The following SIPA1L2 variants were observed in gnomAD, a reference collection of about 807,000 sequenced individuals.
The protein encoded by SIPA1L2 is signal-induced proliferation-associated 1-like protein 2.
In SIPA1L2, 56 loss-of-function variants were observed where a neutral mutation model predicts 163.9. That is an observed-to-expected ratio of 0.34 (90% confidence interval 0.28 to 0.43). SIPA1L2 has a LOEUF of 0.43. SIPA1L2 is among the 20% of genes least tolerant of loss of function. SIPA1L2 has a pLI of 1.00. For synonymous variants in SIPA1L2, 877 were observed against 865.7 expected (o/e 1.01, Z -0.23); for missense variants, 1,974 against 2,193.5 (o/e 0.90, Z 2.00).
chr1:232,629,394 G>A (rs979441954), intron 1 of SIPA1L2, among the ~76,000 whole-genome samples: 7 of 152,332 alleles, frequency 4.6e-5, no homozygotes, highest in Admixed American at 4.6e-4. Flanking sequence ...TACAAAGAGG[G>A]ATCCGTCCCG....
chr1:232,422,559 C>G (rs1661634544), intron 18 of SIPA1L2, among the ~76,000 whole-genome samples: 2 of 152,182 alleles, frequency 1.3e-5, no homozygotes, highest in Non-Finnish European at 2.9e-5. Context: ...TAAACAAAAT[C>G]TGATTGAGTC....
chr1:232,577,871 T>G lies in SIPA1L2; in HGVS notation c.-318-3649A>C, dbSNP rs1480700048. On this transcript the variant is annotated intron_variant, in intron 1 of 22. Transcript: ENST00000674635. ...ATGATATGAACATTGTTGCAAAGGA[T>G]TTAGGAAATTACATAAACTTGGCAG... 2.0e-5 allele frequency among the ~76,000 whole-genome samples: 3 copies of G among 152,130 alleles called. No individual in the cohort carries two copies. In the East Asian group the frequency reaches 5.8e-4, roughly 29 times the overall value.
intron 2 of SIPA1L2, among the ~76,000 whole-genome samples, chr1:232,570,832 A>G (rs1659684352): frequency 1.3e-5 from 2 of 152,096 alleles, no homozygotes; most frequent in Admixed American, 1.3e-4. Context: ...CTCATACCAC[A>G]TGCAAAAATA....
rs557410515 is a variant in SIPA1L2 at position 232,417,273 on chromosome 1, C to T, written c.4631-1648G>A. ...GCTCTTACCAGATCTCTAACAGTTA[C>T]AGCTACGCCAATTTTCCATGCTACC... On this transcript the variant is annotated intron_variant, in intron 18 of 22. Transcript: ENST00000674635. Among the ~76,000 whole-genome samples, 3 of 152,264 alleles carry T rather than the reference C, an allele frequency of 2.0e-5. No individual in the cohort carries two copies. In the South Asian group the frequency reaches 6.2e-4, roughly 32 times the overall value.
chr1:232,564,325 T>A (rs1659274411), intron 2 of SIPA1L2, among the ~76,000 whole-genome samples: 1 of 145,994 alleles, frequency 6.8e-6, no homozygotes, highest in Non-Finnish European at 1.5e-5. Flanking sequence ...AGTGCAATGG[T>A]GCGATCTTGG....
chr1:232,466,494 A>G (rs969803313), intron 8 of SIPA1L2, among the ~76,000 whole-genome samples: 4 of 152,186 alleles, frequency 2.6e-5, no homozygotes, highest in Non-Finnish European at 5.9e-5. Flanking sequence ...CTAATGAATT[A>G]ACAAAGGAAG....
At position 232,432,337 on chromosome 1, in the gene SIPA1L2, C is replaced by A. The variant is rs1662291693; in HGVS notation, c.4166G>T (p.Arg1389Ile). The change falls in exon 16 of 23, where the codon AGA (arginine) becomes ATA (isoleucine). Residue 1389 changes from arginine to isoleucine, a missense_variant. Physicochemically the swap from Arg to Ile is moderately conservative, Grantham distance 97. This residue lies in a region of SIPA1L2 where 1,079 missense variants were observed against 1,150.7 expected (regional missense o/e 0.94). Transcript: ENST00000674635. The part of the protein sequence containing the change: ...VPGSMSKPYH[R>I]QGAVNKYVIG... ...GACATATTTGTTCACTGCCCCTTGTCTGTGGTAGGGCTTGGACATGGACCC... is the reference window on the plus strand; with the variant it reads ...GACATATTTGTTCACTGCCCCTTGTATGTGGTAGGGCTTGGACATGGACCC... 6.8e-6 allele frequency: 11 copies of A among 1,614,216 alleles called. No homozygotes were observed. Among genetic ancestry groups the A allele is most frequent in the Non-Finnish European group, 9.3e-6 (11 of 1,180,042 alleles).
chr1:232,414,256 CCT>C (rs1661121243), intron 19 of SIPA1L2, among the ~76,000 whole-genome samples: 1 of 152,190 alleles, frequency 6.6e-6, no homozygotes, highest in African/African-American at 2.4e-5. Context: ...ACCTACTTCC[CCT>C]GTGTCCACTT....
intron 3 of SIPA1L2, among the ~76,000 whole-genome samples, chr1:232,510,802 T>C (rs1666945690): frequency 6.6e-6 from 1 of 152,158 alleles, no homozygotes. Context: ...CAGTTTTTCA[T>C]TCCACTTACA....
chr1:232,465,521 C>CACACACATATATAT lies in SIPA1L2; in HGVS notation c.2244-106_2244-105insATATATATGTGTGT. On this transcript the variant is annotated intron_variant, in intron 8 of 22. Transcript: ENST00000674635. The surrounding 1 kb of genome is among the most constrained non-coding windows in gnomAD (Gnocchi z 4.1). ...ACACACACACACACATATACATACA[C>CACACACATATATAT]ACACACACACACATATACATACACA... The CACACACATATATAT allele has an allele frequency of 1.2e-6, 1 of 856,330 alleles. No individual in the cohort carries two copies. Among genetic ancestry groups the CACACACATATATAT allele is most frequent in the South Asian group, 1.8e-5 (1 of 56,828 alleles). The allele number at this position is 856,330 out of a possible 1,614,324, so 53.0% of individuals were successfully genotyped here.
rs897789599 is a variant in SIPA1L2 at position 232,503,582 on chromosome 1, AC to A, written c.1484-9923del. 1.0e-3 allele frequency among the ~76,000 whole-genome samples: 156 copies of A among 152,332 alleles called. 1 individual carries two copies. Among genetic ancestry groups the A allele is most frequent in the African/African-American group, 3.7e-3 (152 of 41,568 alleles). ...TGACCACAGCACCATTTATAAGTAC[AC>A]CAAGGCCACAAACAACTGTGCACCT... is the stretch of plus-strand genomic sequence containing the variant. On this transcript the variant is annotated intron_variant, in intron 3 of 22. Transcript: ENST00000674635.
chr1:232,453,110 C>T (rs1663685939), intron 10 of SIPA1L2, among the ~76,000 whole-genome samples: 1 of 152,196 alleles, frequency 6.6e-6, no homozygotes, highest in Admixed American at 6.5e-5. Flanking sequence ...AAATTCCCTT[C>T]ATCTACATTC....
chr1:232,566,883 A>G (rs894819848), intron 2 of SIPA1L2, among the ~76,000 whole-genome samples: 1 of 152,212 alleles, frequency 6.6e-6, no homozygotes. Context: ...TGAGGATTCA[A>G]TTTGGTTTTG....
chr1:232,629,937 G>T lies in SIPA1L2; in HGVS notation c.-387C>A, dbSNP rs1178847466. 1.3e-5 allele frequency among the ~76,000 whole-genome samples: 2 copies of T among 150,562 alleles called. No homozygotes were observed. Among genetic ancestry groups the T allele is most frequent in the African/African-American group, 4.8e-5 (2 of 41,252 alleles). ...CCGGGCGGCGCGTACCCGGGCTGCC[G>T]CCTCGCCGCCCGCCGCTGCCCGGGG... On this transcript the variant is annotated 5_prime_UTR_variant, in exon 1 of 23. Coordinates refer to ENST00000674635, the MANE Select transcript of SIPA1L2 (RefSeq NM_020808.5).
intron 3 of SIPA1L2, among the ~76,000 whole-genome samples, chr1:232,497,526 T>A (rs1666259590): frequency 6.6e-6 from 1 of 152,184 alleles, no homozygotes; most frequent in African/African-American, 2.4e-5. Context: ...TAATCCTCAA[T>A]CTGCATCAAA....
chr1:232,419,541 CGTGAGA>C (rs2102792436), intron 18 of SIPA1L2, among the ~76,000 whole-genome samples: 1 of 152,172 alleles, frequency 6.6e-6, no homozygotes, highest in Admixed American at 6.5e-5. Flanking sequence ...AGTGAGTTCT[CGTGAGA>C]GTGAGTTCTC....
intron 22 of SIPA1L2, among the ~76,000 whole-genome samples, chr1:232,399,856 C>CA (rs1660227750): frequency 6.6e-6 from 1 of 152,138 alleles, no homozygotes; most frequent in Admixed American, 6.5e-5. Flanking sequence ...CAGTTCCCCC[C>CA]CTGCTGAAAG....
Position 232,479,700 on chromosome 1 carries a change from G to A in SIPA1L2, c.2012C>T (p.Thr671Ile). 6.2e-7 allele frequency: 1 copy of A among 1,613,692 alleles called. No homozygotes were observed. The highest frequency in any genetic ancestry group is 8.5e-7 in the Non-Finnish European group (1 of 1,179,722). The change falls in exon 7 of 23, where the codon ACC becomes ATC. Residue 671 changes from threonine (T) to isoleucine (I), a missense_variant. By Grantham distance (89) the Thr-to-Ile change is moderately conservative. Transcript: ENST00000674635. ...TDSTGTHSLY[T>I]TYKDYELMFH... ...CATGAGTTCGTAGTCTTTGTATGTGGTATAGAGAGAGTGCGTGCCCGTGGA... is the reference window on the plus strand; with the variant it reads ...CATGAGTTCGTAGTCTTTGTATGTGATATAGAGAGAGTGCGTGCCCGTGGA...
chr1:232,627,793 T>C (rs1218664257), intron 1 of SIPA1L2, among the ~76,000 whole-genome samples: 3 of 152,228 alleles, frequency 2.0e-5, no homozygotes, highest in African/African-American at 7.2e-5. Flanking sequence ...AGCTCTTGCT[T>C]TTCCGGATCA....
Sources: allele counts gnomAD v4.1 joint callset (sites outside exome capture counted in the v4.1 genomes callset), GRCh38; gene constraint gnomAD v4.1.1; regional missense constraint gnomAD v4.1.1; non-coding constraint Gnocchi (gnomAD v3.1); transcripts MANE v1.5; gene names NCBI Gene and HGNC (gene_info 2026-07-23, HGNC 2026-07-21).